Variants in HSP90AA1 observed in about 807,000 individuals in gnomAD.
HSP90AA1 encodes the protein heat shock protein 90 alpha family class A member 1.
In HSP90AA1, 18 loss-of-function variants were observed where a neutral mutation model predicts 73.3. The ratio of observed to expected loss-of-function variants is 0.25; its 90% CI spans 0.17 to 0.36. The LOEUF (loss-of-function observed/expected upper bound fraction) is 0.36, where lower values mean the gene tolerates loss of function less well. Among genes scored for constraint, HSP90AA1 ranks in the 10% least tolerant of loss-of-function variants. The pLI, the probability that HSP90AA1 is intolerant of heterozygous loss-of-function variation, is 1.00. For synonymous variants in HSP90AA1, 477 were observed against 296.9 expected, an observed-to-expected ratio of 1.61 and a Z score of -6.24; for missense variants, 704 against 874.2, an observed-to-expected ratio of 0.81 and a Z score of 2.45.
At chr14:102,128,294 C>G (rs1436862582) in intron 1 of HSP90AA1, among the ~76,000 whole-genome samples, 1 of 151,940 alleles carries the variant, frequency 6.6e-6, no homozygotes, top group Non-Finnish European at 1.5e-5. Context: ...CAATTCAAGA[C>G]CAGCCTGACC....
Position 102,083,028 on chromosome 14 carries a change from A to C in HSP90AA1, c.1755+6T>G, listed in dbSNP as rs765118717. The C allele has an allele frequency of 1.2e-6, 2 of 1,613,476 alleles. No individual in the cohort carries two copies. Among genetic ancestry groups the C allele is most frequent in the South Asian group, 1.1e-5 (1 of 91,040 alleles). On this transcript the variant is annotated splice_donor_region_variant and intron_variant, in intron 9 of 10. Transcript: ENST00000216281. ...TCAATGATCAGGAAATGCTGTATTC[A>C]CATACCTTTTCAACTTTTTTCTCCA...
chr14:102,131,658 T>C (rs191715917), intron 1 of HSP90AA1, among the ~76,000 whole-genome samples: 1 of 152,292 alleles, frequency 6.6e-6, no homozygotes, highest in Non-Finnish European at 1.5e-5. Flanking sequence ...TCCTTACTTC[T>C]TTCAAGTCTT....
At position 102,083,397 on chromosome 14, in the gene HSP90AA1, A is replaced by G. The variant is rs2049142376; in HGVS notation, c.1487-95T>C. ...CTTGCTAGCCAGATACCTAGGCAGA[A>G]CCTAAGACAGAAAATGACCTAGTTC... is the stretch of plus-strand genomic sequence containing the variant. On this transcript the variant is annotated intron_variant, in intron 8 of 10. Transcript: ENST00000216281. 2.7e-6 allele frequency: 4 copies of G among 1,469,810 alleles called. No homozygotes were observed. The East Asian group carries it at 9.1e-5, about 33-fold the overall frequency. The allele number at this position is 1,469,810 out of a possible 1,614,324, so 91.0% of individuals were successfully genotyped here. A position where few individuals can be genotyped will look rare whatever the true frequency, so the allele number is the denominator to read the frequency against.
intron 1 of HSP90AA1, among the ~76,000 whole-genome samples, chr14:102,135,204 A>G (rs1340676271): frequency 6.6e-6 from 1 of 152,138 alleles, no homozygotes; most frequent in Non-Finnish European, 1.5e-5. Context: ...CCACCAGAGC[A>G]GCTAGATACA....
chr14:102,088,520 G>A (rs1233204653), upstream of HSP90AA1, among the ~76,000 whole-genome samples: 3 of 152,224 alleles, frequency 2.0e-5, no homozygotes, highest in Non-Finnish European at 4.4e-5. Context: ...GTCTTGCCTG[G>A]CATTACAAAG....
At position 102,086,467 on chromosome 14, in the gene HSP90AA1, G is replaced by C; in HGVS notation, c.1-89C>G. 3.5e-6 allele frequency: 5 copies of C among 1,442,672 alleles called. No homozygotes were observed. The African/African-American group carries it at 4.2e-5, about 12-fold the overall frequency. 89.4% of individuals were successfully genotyped at this position (1,442,672 alleles called of 1,614,324 possible). A position where few individuals can be genotyped will look rare whatever the true frequency, so the allele number is the denominator to read the frequency against. Reference sequence around the variant, plus strand: ...ATCGCGTTCTCCAAATATTTTTAAAGCCGAATTGGAGATTTGCGAAGTTTA... The same window carrying C: ...ATCGCGTTCTCCAAATATTTTTAAACCCGAATTGGAGATTTGCGAAGTTTA... On this transcript the variant is annotated intron_variant, in intron 1 of 10. Coordinates refer to ENST00000216281, the MANE Select transcript of HSP90AA1 (RefSeq NM_005348.4).
At chr14:102,107,842 G>A (rs1371501343) in intron 1 of HSP90AA1, among the ~76,000 whole-genome samples, 1 of 151,996 alleles carries the variant, frequency 6.6e-6, no homozygotes, top group Non-Finnish European at 1.5e-5. Context: ...GGATCCATAG[G>A]AGGGCACGTA....
chr14:102,085,468 C>CA, intron 3 of HSP90AA1, 37 bp from the exon 4 acceptor site: 1 of 1,257,062 alleles, frequency 8.0e-7, no homozygotes, highest in Non-Finnish European at 1.1e-6. Flanking sequence ...TTAATACATT[C>CA]AATTTAGTGC....
chr14:102,112,487 T>G (rs1254463999), intron 1 of HSP90AA1, among the ~76,000 whole-genome samples: 1 of 152,084 alleles, frequency 6.6e-6, no homozygotes, highest in African/African-American at 2.4e-5. Context: ...CCTTTTTTTT[T>G]GTTTTAAAAG....
chr14:102,102,051 G>A lies in HSP90AA1; in HGVS notation c.190C>T (p.Gln64Ter), dbSNP rs1028965027. 1 of 1,613,940 alleles carries A rather than the reference G, an allele frequency of 6.2e-7. No individual in the cohort carries two copies. Among genetic ancestry groups the A allele is most frequent in the Admixed American group, 1.7e-5 (1 of 59,976 alleles). ...ACCATCAGATGCCAGAGAAACACTTGGGCCTTTTCTTGGTACCAGTTAACA... is the reference window on the plus strand; with the variant it reads ...ACCATCAGATGCCAGAGAAACACTTAGGCCTTTTCTTGGTACCAGTTAACA... The change falls in exon 2 of 12, where the codon CAA (glutamine) becomes TAA (stop). Residue 64 changes from glutamine to a stop codon, truncating the protein, a stop_gained. Transcript: ENST00000334701. LOFTEE classifies it high-confidence loss of function.
At position 102,082,581 on chromosome 14, in the gene HSP90AA1, T is replaced by C. The variant is rs894831599; in HGVS notation, c.1756-137A>G. The C allele has an allele frequency of 4.2e-6, 3 of 714,024 alleles. No individual in the cohort carries two copies. The South Asian group carries it at 4.8e-5, about 12-fold the overall frequency. The allele number at this position is 714,024 out of a possible 1,614,324, so 44.2% of individuals were successfully genotyped here. Reference sequence around the variant, plus strand: ...GTCAAATACAACTTAAATGTCGCATTAGGTATCCAAAGAGCACAGGTTATA... The same window carrying C: ...GTCAAATACAACTTAAATGTCGCATCAGGTATCCAAAGAGCACAGGTTATA... On this transcript the variant is annotated intron_variant, in intron 9 of 10. Transcript: ENST00000216281.
intron 2 of HSP90AA1, among the ~76,000 whole-genome samples, chr14:102,095,096 C>T (rs2049407470): frequency 6.6e-6 from 1 of 152,142 alleles, no homozygotes; most frequent in African/African-American, 2.4e-5. Context: ...GTGTCTGCTG[C>T]GCATCCACGT....
At chr14:102,085,568 T>TG (rs1490588690) in intron 3 of HSP90AA1, 137 bp from the exon 4 acceptor site, 1 of 1,184,848 alleles carries the variant, frequency 8.4e-7, no homozygotes, top group Admixed American at 2.0e-5. Context: ...CAGAACCTTT[T>TG]GGGCAAGGTG....
intron 1 of HSP90AA1, 87 bp downstream of exon 1, chr14:102,086,899 C>G (rs1487738506): frequency 1.3e-6 from 1 of 785,468 alleles, no homozygotes; most frequent in African/African-American, 1.9e-5. Flanking sequence ...GGGATCTGGT[C>G]CGGCCCCCAC....
intron 1 of HSP90AA1, among the ~76,000 whole-genome samples, chr14:102,118,493 A>G (rs980777619): frequency 6.6e-6 from 1 of 151,806 alleles, no homozygotes; most frequent in Non-Finnish European, 1.5e-5. Flanking sequence ...TGCCCACCTC[A>G]GCCTCCCAAA....
At chr14:102,116,879 G>A (rs2049713784) in intron 1 of HSP90AA1, among the ~76,000 whole-genome samples, 1 of 152,194 alleles carries the variant, frequency 6.6e-6, no homozygotes, top group South Asian at 2.1e-4. Flanking sequence ...CAAGCTCCAT[G>A]CAGTGGTGGG....
intron 1 of HSP90AA1, among the ~76,000 whole-genome samples, chr14:102,126,584 G>A (rs2060079761): frequency 6.6e-6 from 1 of 152,016 alleles, no homozygotes; most frequent in South Asian, 2.1e-4. Flanking sequence ...GAGTGCAGTG[G>A]CGCAACCACG....
intron 1 of HSP90AA1, among the ~76,000 whole-genome samples, chr14:102,132,054 T>C (rs927603113): frequency 2.0e-5 from 3 of 152,034 alleles, no homozygotes; most frequent in African/African-American, 7.3e-5. Flanking sequence ...CTGGGCAACA[T>C]AGTGAGGCTG....
chr14:102,085,465 A>T (rs780688928), intron 3 of HSP90AA1, 34 bp from the exon 4 acceptor site: 1 of 729,456 alleles, frequency 1.4e-6, no homozygotes, highest in Non-Finnish European at 2.0e-6. Context: ...GACTTAATAC[A>T]TTCAATTTAG....
Sources: gnomAD v4.1 joint callset for allele counts (sites outside exome capture counted in the v4.1 genomes callset) on GRCh38, gnomAD v4.1.1 for gene constraint, MANE v1.5 for transcripts, NCBI Gene and HGNC (gene_info 2026-07-23, HGNC 2026-07-21) for gene names.